Variants in DNAH5 observed in about 807,000 individuals in gnomAD.
DNAH5 encodes dynein axonemal heavy chain 5.
A neutral mutation model predicts 518.2 loss-of-function variants in DNAH5; 372 were observed. That is an observed-to-expected ratio of 0.72 (90% CI 0.66 to 0.78). The LOEUF is 0.78. DNAH5 is among the 30% of genes least tolerant of loss of function. The pLI is 0.00. For missense variants in DNAH5, 5,523 were observed against 5,687.0 expected (o/e 0.97, Z 0.93); for synonymous variants, 2,039 against 2,025.9 (o/e 1.01, Z -0.17).
chr5:13,738,452 AC>A (rs1416178051), intron 65 of DNAH5, among the ~76,000 whole-genome samples: 2 of 152,218 alleles, frequency 1.3e-5, no homozygotes, highest in Non-Finnish European at 2.9e-5. Context: ...CTGAGCTGCA[AC>A]TGTGAGCACG....
In DNAH5 at chr5:13,727,505, A is replaced by G; in HGVS notation, c.12033+2T>C. 1 of 1,611,854 alleles carries G rather than the reference A, an allele frequency of 6.2e-7. No individual in the cohort carries two copies. Among genetic ancestry groups the G allele is most frequent in the Non-Finnish European group, 8.5e-7 (1 of 1,178,568 alleles). The stretch of plus-strand genomic sequence containing the variant: ...TTTTTCTCTTTAATATGGACTTTTT[A>G]CCTGGGCGATGGTTCTGTCAGGACA... On this transcript the variant is annotated splice_donor_variant, in intron 70 of 78. Transcript: ENST00000265104. LOFTEE classifies it high-confidence loss of function.
intron 17 of DNAH5, among the ~76,000 whole-genome samples, chr5:13,889,110 TTAA>T (rs1198518918): frequency 1.3e-5 from 2 of 152,214 alleles, no homozygotes; most frequent in African/African-American, 4.8e-5. Context: ...TTAAAATGCA[TTAA>T]TATTATAATA....
In DNAH5 at chr5:13,701,304, A is replaced by G. The variant is rs754177414; in HGVS notation, c.13471T>C (p.Phe4491Leu). 6.2e-7 allele frequency: 1 copy of G among 1,614,064 alleles called. No homozygotes were observed. The highest frequency in any genetic ancestry group is 2.2e-5 in the East Asian group (1 of 44,862). ...CTTACCTGTCGCATTGCAGTTAAAA[A>G]TCCCTGGGGGTTAAAAAAACCCGTC... ...WMTGFFNPQG[F>L]LTAMRQEITR... The change falls in exon 77 of 79, where the codon TTT (phenylalanine) becomes CTT (leucine). Residue 4491 changes from phenylalanine (F) to leucine (L), a missense_variant. Physicochemically the swap from Phe to Leu is conservative, Grantham distance 22. This residue lies in a region of DNAH5 where 387 missense variants were observed against 430.0 expected (regional missense o/e 0.90). Transcript: ENST00000265104.
chr5:13,767,745 C>T (rs1159023497), intron 58 of DNAH5, among the ~76,000 whole-genome samples: 2 of 152,198 alleles, frequency 1.3e-5, no homozygotes, highest in East Asian at 3.8e-4. Flanking sequence ...TTCACCTAAG[C>T]ATTAAAGTCC....
intron 1 of DNAH5, among the ~76,000 whole-genome samples, chr5:13,950,576 G>A (rs531662928): frequency 3.3e-5 from 5 of 152,214 alleles, no homozygotes; most frequent in Admixed American, 6.5e-5. Flanking sequence ...ACACCCAGCC[G>A]TATTCTTTGT....
At position 13,707,471 on chromosome 5, in the gene DNAH5, CTG is replaced by C; in HGVS notation, c.13338+650_13338+651del. ...CAGATGGCAAAACTGAAAGAGTACA[CTG>C]TAACACATGCCCATTCGGGAGCTGT... On this transcript the variant is annotated intron_variant, in intron 76 of 78. Coordinates refer to ENST00000265104, the MANE Select transcript of DNAH5 (RefSeq NM_001369.3). This position sits in a 1 kb window ranked among gnomAD's most constrained non-coding sequence, Gnocchi z 4.0. Among the ~76,000 whole-genome samples, 1 of 152,296 alleles carries C rather than the reference CTG, an allele frequency of 6.6e-6. No individual in the cohort carries two copies. Among genetic ancestry groups the C allele is most frequent in the East Asian group, 1.9e-4 (1 of 5,176 alleles).
intron 16 of DNAH5, among the ~76,000 whole-genome samples, chr5:13,893,662 A>G (rs1319840366): frequency 6.6e-6 from 1 of 152,216 alleles, no homozygotes; most frequent in African/African-American, 2.4e-5. Context: ...GGTCCTTTGT[A>G]GTCTGTTTGA....
rs542732714 is a variant in DNAH5, at chr5:13,825,291, C to A, written c.6445-958G>T. Among the ~76,000 whole-genome samples the A allele has an allele frequency of 5.3e-5, 8 of 152,040 alleles. No individual in the cohort carries two copies. In the South Asian group the frequency reaches 1.7e-3, roughly 32 times the overall value. On this transcript the variant is annotated intron_variant, in intron 38 of 78. Coordinates refer to ENST00000265104, the MANE Select transcript of DNAH5 (RefSeq NM_001369.3). ...CCCAGGAAGCAGAGGTTGCAGTGAGCCGAGATAGCACTTGCACTCCAGCCT... is the reference window on the plus strand; with the variant it reads ...CCCAGGAAGCAGAGGTTGCAGTGAGACGAGATAGCACTTGCACTCCAGCCT...
chr5:13,785,612 C>T (rs959972195), intron 52 of DNAH5, among the ~76,000 whole-genome samples: 2 of 152,096 alleles, frequency 1.3e-5, no homozygotes, highest in Non-Finnish European at 2.9e-5. Flanking sequence ...CCACTGATCT[C>T]CACAATGCTT....
At chr5:13,747,495 A>C (rs1749558483) in intron 65 of DNAH5, among the ~76,000 whole-genome samples, 1 of 152,250 alleles carries the variant, frequency 6.6e-6, no homozygotes, top group Non-Finnish European at 1.5e-5. Flanking sequence ...ACTAGTTTAC[A>C]GTCCCACCAA....
chr5:13,766,807 A>T (rs1335682791), intron 58 of DNAH5, among the ~76,000 whole-genome samples: 2 of 152,224 alleles, frequency 1.3e-5, no homozygotes, highest in African/African-American at 4.8e-5. Flanking sequence ...AGTCACATAC[A>T]CCTGTTTTGG....
In DNAH5 at chr5:13,770,776, T is replaced by G; in HGVS notation, c.9578A>C (p.His3193Pro). 1 of 1,614,032 alleles carries G rather than the reference T, an allele frequency of 6.2e-7. No individual in the cohort carries two copies. Among genetic ancestry groups the G allele is most frequent in the Non-Finnish European group, 8.5e-7 (1 of 1,179,956 alleles). ...QGYKFIYGEK[H>P]VEVRTLANRM... ...GTTGGCCAGGGTCCGCACCTCCACA[T>G]GCTTTTCTCCATATATGAACTTATA... The change falls in exon 56 of 79, where the codon CAT (histidine) becomes CCT (proline). Residue 3193 changes from histidine to proline, a missense_variant. Coordinates refer to ENST00000265104, the MANE Select transcript of DNAH5 (RefSeq NM_001369.3).
intron 1 of DNAH5, among the ~76,000 whole-genome samples, chr5:13,962,656 A>G (rs1396134300): frequency 1.3e-5 from 2 of 152,214 alleles, no homozygotes; most frequent in Non-Finnish European, 2.9e-5. Context: ...AAAATTACTA[A>G]GAGGAATTTG....
chr5:13,723,921 G>A (rs750402935), intron 70 of DNAH5, among the ~76,000 whole-genome samples: 12 of 152,108 alleles, frequency 7.9e-5, no homozygotes, highest in Non-Finnish European at 1.6e-4. Context: ...GTTCCTGGGC[G>A]GGGACATTCT....
At chr5:14,006,332 T>C (rs779673633) in intron 1 of DNAH5, among the ~76,000 whole-genome samples, 10 of 152,212 alleles carry the variant, frequency 6.6e-5, no homozygotes, top group Non-Finnish European at 1.0e-4. Context: ...TAGCATAGCA[T>C]GGCAGTCAGC....
chr5:13,803,090 T>G (rs918616913), intron 47 of DNAH5, among the ~76,000 whole-genome samples: 13 of 152,204 alleles, frequency 8.5e-5, no homozygotes, highest in African/African-American at 3.1e-4. Flanking sequence ...GTAAAGCTAT[T>G]TTATTATTTC....
intron 43 of DNAH5, among the ~76,000 whole-genome samples, chr5:13,812,538 TC>T (rs1760857673): frequency 6.6e-6 from 1 of 152,184 alleles, no homozygotes; most frequent in Non-Finnish European, 1.5e-5. Context: ...ACTCCTTGCC[TC>T]AAGCAATCTG....
intron 7 of DNAH5, 132 bp from the exon 8 acceptor site, chr5:13,917,388 A>AG: frequency 1.4e-6 from 1 of 718,436 alleles, no homozygotes; most frequent in Non-Finnish European, 2.5e-6. Context: ...CTGAATCCAG[A>AG]GGGGCGAGAG....
At position 13,759,510 on chromosome 5, in the gene DNAH5, G is replaced by C. The variant is rs145068660; in HGVS notation, c.10282-527C>G. Among the ~76,000 whole-genome samples the C allele has an allele frequency of 7.2e-3, 1,098 of 152,318 alleles. 6 individuals are homozygous for C. Among genetic ancestry groups the C allele is most frequent in the Non-Finnish European group, 0.012 (843 of 68,024 alleles). ...TCATCACTGTTGAGGAGTAATAAAG[G>C]ATGTAAAATGATTATTTACTGAATA... is the stretch of plus-strand genomic sequence containing the variant. On this transcript the variant is annotated intron_variant, in intron 60 of 78. Coordinates refer to ENST00000265104, the MANE Select transcript of DNAH5 (RefSeq NM_001369.3).
Sources: allele counts gnomAD v4.1 joint callset (sites outside exome capture counted in the v4.1 genomes callset), GRCh38; gene constraint gnomAD v4.1.1; regional missense constraint gnomAD v4.1.1; non-coding constraint Gnocchi (gnomAD v3.1); transcripts MANE v1.5; gene names NCBI Gene and HGNC (gene_info 2026-07-23, HGNC 2026-07-21).